DYNLRB1: variants seen among roughly 807,000 people sequenced by gnomAD.
The protein encoded by DYNLRB1 is dynein light chain roadblock-type 1, also known as ROBL/LC7-like 1.
In DYNLRB1, 6 loss-of-function variants were observed where a neutral mutation model predicts 13.5. The ratio of observed to expected loss-of-function variants is 0.44; its 90% CI spans 0.24 to 0.88. DYNLRB1 has a LOEUF of 0.88. DYNLRB1 is among the 40% of genes least tolerant of loss of function. DYNLRB1 has a pLI of 0.21. For synonymous variants in DYNLRB1, 43 were observed against 45.0 expected (o/e 0.96, Z 0.18); for missense variants, 93 against 127.2 (o/e 0.73, Z 1.29).
upstream of DYNLRB1, chr20:34,516,350 C>G: frequency 6.7e-7 from 1 of 1,481,556 alleles, no homozygotes; most frequent in Non-Finnish European, 9.0e-7. Flanking sequence ...CACGCTGGCT[C>G]CTGATAGGCA....
At chr20:34,534,842 A>T (rs1484282806) in intron 3 of DYNLRB1, 47 bp downstream of exon 3, 1 of 1,613,122 alleles carries the variant, frequency 6.2e-7, no homozygotes, top group Non-Finnish European at 8.5e-7. Flanking sequence ...CTCATGGCAC[A>T]TTCTCTGTGG....
upstream of DYNLRB1, among the ~76,000 whole-genome samples, chr20:34,516,206 C>G (rs1229285547): frequency 6.6e-6 from 1 of 152,274 alleles, no homozygotes; most frequent in Non-Finnish European, 1.5e-5. Context: ...GAACCAGCAT[C>G]TTTTCTGCAC....
At chr20:34,525,256 A>T (rs1250040245) in intron 1 of DYNLRB1, among the ~76,000 whole-genome samples, 5 of 151,358 alleles carry the variant, frequency 3.3e-5, no homozygotes, top group African/African-American at 1.2e-4. Flanking sequence ...TTCTGACTGG[A>T]TTCTAGACCA....
intron 1 of DYNLRB1, among the ~76,000 whole-genome samples, chr20:34,517,769 C>T (rs1318658074): frequency 6.6e-6 from 1 of 151,864 alleles, no homozygotes; most frequent in African/African-American, 2.4e-5. Flanking sequence ...GCTGGGACTA[C>T]AGGCGCCCAC....
At position 34,540,667 on chromosome 20, in the gene DYNLRB1, C is replaced by A; in HGVS notation, c.*43C>A. On this transcript the variant is annotated 3_prime_UTR_variant, in exon 4 of 4. Transcript: ENST00000357156. Reference sequence around the variant, plus strand: ...CTGTGTCATTCCTTAATTTAATGCCCCCCAAGAATGTTAATGTCAATCATG... The same window carrying A: ...CTGTGTCATTCCTTAATTTAATGCCACCCAAGAATGTTAATGTCAATCATG... 6.3e-7 allele frequency: 1 copy of A among 1,593,456 alleles called. No homozygotes were observed. Among genetic ancestry groups the A allele is most frequent in the South Asian group, 1.1e-5 (1 of 89,850 alleles).
At position 34,534,785 on chromosome 20, in the gene DYNLRB1, G is replaced by A; in HGVS notation, c.237G>A (p.Met79Ile). 2 of 1,614,050 alleles carry A rather than the reference G, an allele frequency of 1.2e-6. No individual in the cohort carries two copies. Among genetic ancestry groups the A allele is most frequent in the Non-Finnish European group, 1.7e-6 (2 of 1,180,016 alleles). ...LRIRSKKNEI[M>I]VAPDKDYFLI... ...TTCGCTCCAAGAAAAATGAAATTATGGTTGCACCAGGTAAGGGGTCTTCTA... is the reference window on the plus strand; with the variant it reads ...TTCGCTCCAAGAAAAATGAAATTATAGTTGCACCAGGTAAGGGGTCTTCTA... Residue 79 changes from methionine to isoleucine, a missense_variant, in exon 3 of 4, where the codon ATG becomes ATA. Coordinates refer to ENST00000357156, the MANE Select transcript of DYNLRB1 (RefSeq NM_014183.4).
At chr20:34,523,245 A>G (rs1979907548) in intron 1 of DYNLRB1, among the ~76,000 whole-genome samples, 1 of 152,134 alleles carries the variant, frequency 6.6e-6, no homozygotes, top group South Asian at 2.1e-4. Flanking sequence ...CTGGCAGGGC[A>G]GGGGTAGGAG....
intron 2 of DYNLRB1, among the ~76,000 whole-genome samples, chr20:34,532,370 G>A (rs1165754961): frequency 6.6e-6 from 1 of 152,156 alleles, no homozygotes; most frequent in Admixed American, 6.5e-5. Context: ...GCAGAGCTGG[G>A]TGTAAGCCTA....
chr20:34,516,162 T>G (rs537412455), upstream of DYNLRB1, among the ~76,000 whole-genome samples: 30 of 152,364 alleles, frequency 2.0e-4, no homozygotes, highest in African/African-American at 7.2e-4. Flanking sequence ...CCCAAAGTGC[T>G]GGAATTACAG....
chr20:34,531,412 T>G (rs1179110231), intron 2 of DYNLRB1, among the ~76,000 whole-genome samples: 1 of 152,196 alleles, frequency 6.6e-6, no homozygotes, highest in East Asian at 1.9e-4. Context: ...TCAGGTCTCC[T>G]CCAGCTCCAG....
At chr20:34,538,088 C>G (rs1981306594) in intron 3 of DYNLRB1, among the ~76,000 whole-genome samples, 1 of 136,814 alleles carries the variant, frequency 7.3e-6, no homozygotes, top group Non-Finnish European at 1.5e-5. Flanking sequence ...CCCTAGTATA[C>G]TGCTGGGACC....
intron 1 of DYNLRB1, among the ~76,000 whole-genome samples, chr20:34,522,907 G>T (rs923517885): frequency 6.6e-6 from 1 of 152,150 alleles, no homozygotes. Flanking sequence ...GGTTGATTTC[G>T]TGAAACATAG....
At chr20:34,526,479 A>ATTT in intron 2 of DYNLRB1, 136 bp downstream of exon 2, 1 of 411,758 alleles carries the variant, frequency 2.4e-6, no homozygotes, top group Non-Finnish European at 4.1e-6. Context: ...TAACACCTCC[A>ATTT]GTGTTCTTTT....
chr20:34,523,584 A>G (rs1401244211), intron 1 of DYNLRB1, among the ~76,000 whole-genome samples: 1 of 152,114 alleles, frequency 6.6e-6, no homozygotes, highest in Non-Finnish European at 1.5e-5. Flanking sequence ...AGAAACCGGC[A>G]TGGCTAACTC....
At chr20:34,534,417 T>A (rs1297422815) in intron 2 of DYNLRB1, among the ~76,000 whole-genome samples, 4 of 152,154 alleles carry the variant, frequency 2.6e-5, no homozygotes, top group Non-Finnish European at 5.9e-5. Flanking sequence ...CATGGGCGAA[T>A]GAGATGGTGT....
chr20:34,527,421 A>G (rs75336756), intron 2 of DYNLRB1, among the ~76,000 whole-genome samples: 1 of 152,246 alleles, frequency 6.6e-6, no homozygotes, highest in Non-Finnish European at 1.5e-5. Context: ...AACAGCGTAA[A>G]GCATTTAGTA....
At chr20:34,515,926 G>T (rs1362120536), upstream of DYNLRB1, among the ~76,000 whole-genome samples, 1 of 152,030 alleles carries the variant, frequency 6.6e-6, no homozygotes, top group Non-Finnish European at 1.5e-5. Context: ...AGGGTCTCTT[G>T]CTCTGTCGCC....
At chr20:34,535,225 A>G (rs892941185) in intron 3 of DYNLRB1, 3 of 985,336 alleles carry the variant, frequency 3.0e-6, no homozygotes, top group African/African-American at 3.5e-5. Context: ...GTTTGGAAGA[A>G]TATTCAGTGA....
At chr20:34,520,992 A>G (rs1452013403) in intron 1 of DYNLRB1, among the ~76,000 whole-genome samples, 1 of 152,142 alleles carries the variant, frequency 6.6e-6, no homozygotes, top group Non-Finnish European at 1.5e-5. Context: ...ATTTAAAAAT[A>G]AACCTCAGCA....
Sources: allele counts gnomAD v4.1 joint callset (sites outside exome capture counted in the v4.1 genomes callset), GRCh38; gene constraint gnomAD v4.1.1; transcripts MANE v1.5; gene names NCBI Gene and HGNC (gene_info 2026-07-23, HGNC 2026-07-21).